The following SLC30A8 variants were observed in gnomAD, a reference collection of about 807,000 sequenced individuals.
SLC30A8 encodes solute carrier family 30 member 8.
Under a neutral mutation model 36.9 loss-of-function variants are expected in SLC30A8, and 27 were observed. That is an observed-to-expected ratio of 0.73 (90% CI 0.54 to 1.01). The LOEUF (loss-of-function observed/expected upper bound fraction) is 1.01. SLC30A8 is among the 50% of genes least tolerant of loss of function. The pLI is 0.00. For synonymous variants in SLC30A8, 164 were observed against 172.4 expected, an observed-to-expected ratio of 0.95 and a Z score of 0.38; for missense variants, 439 against 452.0, an observed-to-expected ratio of 0.97 and a Z score of 0.26.
intron 2 of SLC30A8, among the ~76,000 whole-genome samples, chr8:117,089,939 C>T (rs528050113): frequency 2.6e-5 from 4 of 152,214 alleles, no homozygotes; most frequent in South Asian, 2.1e-4. Flanking sequence ...GGATTTTACA[C>T]GTGTTCTTTC....
intron 2 of SLC30A8, among the ~76,000 whole-genome samples, chr8:117,096,183 A>C (rs1819353937): frequency 6.6e-6 from 1 of 152,180 alleles, no homozygotes; most frequent in Admixed American, 6.5e-5. Context: ...CACGAGCATT[A>C]TTAAGAAGGA....
chr8:117,087,713 G>C (rs1028183649), intron 2 of SLC30A8, among the ~76,000 whole-genome samples: 2 of 151,932 alleles, frequency 1.3e-5, no homozygotes, highest in East Asian at 3.9e-4. Context: ...ACTTTTCTCT[G>C]GCTCAGTGTC....
chr8:117,034,594 G>A (rs1817154129), intron 1 of SLC30A8, among the ~76,000 whole-genome samples: 1 of 152,122 alleles, frequency 6.6e-6, no homozygotes. Flanking sequence ...GCTAGAGCTG[G>A]GGTTTGAACC....
chr8:117,118,831 GTCAT>G (rs1230618243), intron 2 of SLC30A8, among the ~76,000 whole-genome samples: 26 of 151,944 alleles, frequency 1.7e-4, no homozygotes, highest in African/African-American at 6.3e-4. Flanking sequence ...AACAATTTGA[GTCAT>G]TCATCTGCAT....
At chr8:117,026,489 C>T (rs535046352) in intron 1 of SLC30A8, among the ~76,000 whole-genome samples, 8 of 152,284 alleles carry the variant, frequency 5.3e-5, no homozygotes, top group South Asian at 4.2e-4. Context: ...ACTAATCTCA[C>T]GCTCCCAGGA....
At position 117,135,035 on chromosome 8, in the gene SLC30A8, A is replaced by G; in HGVS notation, c.-293A>G. 1 of 242,372 alleles carries G rather than the reference A, an allele frequency of 4.1e-6. No individual in the cohort carries two copies. The highest frequency in any genetic ancestry group is 7.8e-6 in the Non-Finnish European group (1 of 127,608). The allele number at this position is 242,372 out of a possible 1,614,324, so 15.0% of individuals were successfully genotyped here. A position where few individuals can be genotyped will look rare whatever the true frequency, so the allele number is the denominator to read the frequency against. On this transcript the variant is annotated 5_prime_UTR_variant, in exon 1 of 8. Coordinates refer to ENST00000456015, the MANE Select transcript of SLC30A8 (RefSeq NM_173851.3). ...TCTACCTCTTAGAAAGCACAATTGA[A>G]TCAGATATCATATGAAAGACATACA...
At position 117,098,546 on chromosome 8, in the gene SLC30A8, A is replaced by G. The variant is rs192719137; in HGVS notation, c.-225-36734A>G. 2.4e-4 allele frequency among the ~76,000 whole-genome samples: 36 copies of G among 152,292 alleles called. No homozygotes were observed. In the East Asian group the frequency reaches 6.4e-3, roughly 27 times the overall value. ...TGAACTAGCCATTTCTGGAGAGAGA[A>G]TATTGGAAACAGGCACTAAGTGAGA... On this transcript the variant is annotated intron_variant, in intron 2 of 10. Transcript: ENST00000427715.
intron 1 of SLC30A8, among the ~76,000 whole-genome samples, chr8:117,000,545 T>C (rs752953449): frequency 8.5e-5 from 13 of 152,198 alleles, no homozygotes; most frequent in Non-Finnish European, 1.6e-4. Flanking sequence ...ATCTAGACAT[T>C]TGTTGACTTG....
intron 1 of SLC30A8, among the ~76,000 whole-genome samples, chr8:117,036,896 T>TA (rs1817231941): frequency 6.6e-6 from 1 of 152,200 alleles, no homozygotes; most frequent in Non-Finnish European, 1.5e-5. Flanking sequence ...AAGGCCTTGA[T>TA]ACTTTCTGAT....
intron 6 of SLC30A8, among the ~76,000 whole-genome samples, chr8:117,168,715 A>G (rs1361160165): frequency 2.0e-5 from 3 of 152,196 alleles, no homozygotes; most frequent in East Asian, 1.9e-4. Flanking sequence ...CAAGTCTTCA[A>G]ATGGTCAACA....
At position 117,172,770 on chromosome 8, in the gene SLC30A8, A is replaced by T. The variant is rs1823455479; in HGVS notation, c.*89A>T. 1 of 1,468,526 alleles carries T rather than the reference A, an allele frequency of 6.8e-7. No individual in the cohort carries two copies. The highest frequency in any genetic ancestry group is 2.0e-5 in the Admixed American group (1 of 50,888). The allele number at this position is 1,468,526 out of a possible 1,614,324, so 91.0% of individuals were successfully genotyped here. On this transcript the variant is annotated 3_prime_UTR_variant, in exon 8 of 8. Transcript: ENST00000456015. ...TCTGCATCATAGAAAATAAGGAACC[A>T]AAGGAAGAAATTCATGTCATGGTGC...
intron 1 of SLC30A8, among the ~76,000 whole-genome samples, chr8:117,008,789 C>T (rs1263374413): frequency 2.0e-5 from 3 of 152,142 alleles, no homozygotes; most frequent in Admixed American, 2.0e-4. Context: ...AGCCCCAGAG[C>T]CTAGCCTGAT....
intron 1 of SLC30A8, 115 bp from the exon 2 acceptor site, chr8:117,146,839 T>C: frequency 6.6e-7 from 1 of 1,511,090 alleles, no homozygotes; most frequent in South Asian, 1.3e-5. Flanking sequence ...AAATGAACAC[T>C]TCATAGCAAG....
intron 4 of SLC30A8, 142 bp downstream of exon 4, chr8:117,157,986 T>C: frequency 1.1e-6 from 1 of 911,720 alleles, no homozygotes; most frequent in Admixed American, 2.8e-5. Flanking sequence ...AGATTGAAAA[T>C]AAGGTTGACT....
intron 2 of SLC30A8, among the ~76,000 whole-genome samples, chr8:117,068,529 A>G (rs1478000998): frequency 3.3e-5 from 5 of 151,790 alleles, no homozygotes; most frequent in African/African-American, 1.2e-4. Context: ...GCTTCTCTCC[A>G]CATGTGTTGC....
intron 2 of SLC30A8, among the ~76,000 whole-genome samples, chr8:117,107,170 C>A (rs1172877423): frequency 6.6e-6 from 1 of 152,042 alleles, no homozygotes; most frequent in East Asian, 1.9e-4. Flanking sequence ...TGACAGTGTG[C>A]CTTTGTCAGG....
intron 1 of SLC30A8, among the ~76,000 whole-genome samples, chr8:116,969,183 C>T (rs990983951): frequency 6.6e-6 from 1 of 151,976 alleles, no homozygotes; most frequent in Non-Finnish European, 1.5e-5. Flanking sequence ...TTTGGGAGGC[C>T]GAGGTGGGCG....
rs992315353 is a variant in SLC30A8 at position 117,013,228 on chromosome 8, G to A, written c.-265-25991G>A. Among the ~76,000 whole-genome samples, 50 of 152,258 alleles carry A rather than the reference G, an allele frequency of 3.3e-4. 1 individual carries two copies. The highest frequency in any genetic ancestry group is 9.4e-4 in the African/African-American group (39 of 41,558). On this transcript the variant is annotated intron_variant, in intron 1 of 10. Transcript: ENST00000427715. ...CATGGACAATGAGGCACAAGGAAAA[G>A]CATAAGAATGTTTCTTTGCCATTTT... is the stretch of plus-strand genomic sequence containing the variant.
At chr8:117,002,822 C>T (rs1816056464) in intron 1 of SLC30A8, among the ~76,000 whole-genome samples, 1 of 152,152 alleles carries the variant, frequency 6.6e-6, no homozygotes, top group South Asian at 2.1e-4. Context: ...CCAGGATGGT[C>T]TCGATCTCTT....
Sources: allele counts gnomAD v4.1 joint callset (sites outside exome capture counted in the v4.1 genomes callset), GRCh38; gene constraint gnomAD v4.1.1; transcripts MANE v1.5; gene names NCBI Gene and HGNC (gene_info 2026-07-23, HGNC 2026-07-21).